The following TCF4 variants were observed in gnomAD, a reference collection of about 807,000 sequenced individuals.
TCF4 encodes transcription factor 4, also known as SL3-3 enhancer factor 2.
Under a neutral mutation model 82.1 loss-of-function variants are expected in TCF4, and 3 were observed. That is an observed-to-expected ratio of 0.04 (90% CI 0.02 to 0.09). The LOEUF (loss-of-function observed/expected upper bound fraction) is 0.09. Ranked by LOEUF, TCF4 falls within the 10% of genes least tolerant of loss-of-function variation. TCF4 has a pLI of 1.00. For synonymous variants in TCF4, 276 were observed against 309.6 expected, an observed-to-expected ratio of 0.89 and a Z score of 1.14; for missense variants, 518 against 852.7, an observed-to-expected ratio of 0.61 and a Z score of 4.89.
chr18:55,392,804 G>A (rs1251380018), intron 6 of TCF4, among the ~76,000 whole-genome samples: 2 of 151,962 alleles, frequency 1.3e-5, no homozygotes, highest in Non-Finnish European at 2.9e-5. Flanking sequence ...AGATATATAC[G>A]ATATATACAC....
chr18:55,324,468 G>C (rs1165535053), intron 8 of TCF4, among the ~76,000 whole-genome samples: 2 of 152,178 alleles, frequency 1.3e-5, no homozygotes, highest in African/African-American at 2.4e-5. Context: ...TGCGTGGGGA[G>C]TTAGAACAGA....
intron 3 of TCF4, among the ~76,000 whole-genome samples, chr18:55,465,481 A>G (rs1338274453): frequency 6.6e-6 from 1 of 152,102 alleles, no homozygotes; most frequent in Non-Finnish European, 1.5e-5. Flanking sequence ...CAGATAACAC[A>G]AACTGCAAAC....
chr18:55,321,564 G>A, intron 8 of TCF4: 4 of 1,464,288 alleles, frequency 2.7e-6, no homozygotes, highest in Non-Finnish European at 3.7e-6. Flanking sequence ...CCAGGAAGGT[G>A]CGGCAGTCCT....
intron 3 of TCF4, among the ~76,000 whole-genome samples, chr18:55,473,040 C>CA: frequency 6.6e-6 from 1 of 152,234 alleles, no homozygotes; most frequent in East Asian, 1.9e-4. Flanking sequence ...TCAAACCATA[C>CA]ATGTAATATT....
chr18:55,270,265 G>C (rs1433354268), intron 10 of TCF4, among the ~76,000 whole-genome samples: 1 of 151,904 alleles, frequency 6.6e-6, no homozygotes, highest in African/African-American at 2.4e-5. Context: ...CCAGGGTTTC[G>C]GCAACATAAA....
At chr18:55,237,492 CAG>C (rs1410586699) in intron 15 of TCF4, among the ~76,000 whole-genome samples, 1 of 122,602 alleles carries the variant, frequency 8.2e-6, no homozygotes, top group African/African-American at 3.2e-5. Context: ...TTTTTGGAGA[CAG>C]AGTCTTGCTC....
Position 55,232,663 on chromosome 18 carries a change from G to A in TCF4, c.1495C>T (p.Pro499Ser), listed in dbSNP as rs1395053525. 6.2e-7 allele frequency: 1 copy of A among 1,613,994 alleles called. No homozygotes were observed. The highest frequency in any genetic ancestry group is 8.5e-7 in the Non-Finnish European group (1 of 1,180,028). ...PPQDPYRGMPPGLQGQSVSSG... is the reference protein window; with the variant it reads ...PPQDPYRGMPSGLQGQSVSSG... Reference sequence around the variant, plus strand: ...GAGACACTCTGCCCCTGTAGTCCTGGTGGCATGCCTGCCGAAAAAGAGAAA... The same window carrying A: ...GAGACACTCTGCCCCTGTAGTCCTGATGGCATGCCTGCCGAAAAAGAGAAA... Residue 499 changes from proline to serine, a missense_variant, in exon 17 of 20, where the codon CCA becomes TCA. Pro to Ser is a moderately conservative substitution (Grantham distance 74). Around this residue, in one of 7 missense-constraint regions of TCF4, gnomAD observed 144 missense variants for 190.2 expected, o/e 0.76. Transcript: ENST00000354452.
chr18:55,271,509 C>T (rs1042399983), intron 10 of TCF4, among the ~76,000 whole-genome samples: 1 of 152,026 alleles, frequency 6.6e-6, no homozygotes, highest in Admixed American at 6.6e-5. Flanking sequence ...TTTTCAAAGA[C>T]GCATGAATGT....
chr18:55,608,348 G>A (rs142589497), intron 2 of TCF4, among the ~76,000 whole-genome samples: 12 of 147,882 alleles, frequency 8.1e-5, no homozygotes, highest in South Asian at 6.4e-4. Flanking sequence ...AAATTAGACC[G>A]ATCTAGCATC....
chr18:55,333,865 C>G (rs1200643370), intron 8 of TCF4, among the ~76,000 whole-genome samples: 3 of 152,150 alleles, frequency 2.0e-5, no homozygotes, highest in Non-Finnish European at 4.4e-5. Flanking sequence ...TTTCAATGAA[C>G]CAAGGAATGG....
chr18:55,512,222 T>C (rs2096836252), intron 3 of TCF4, among the ~76,000 whole-genome samples: 1 of 152,156 alleles, frequency 6.6e-6, no homozygotes, highest in Non-Finnish European at 1.5e-5. Flanking sequence ...TGCAGACAAG[T>C]GTTTATGTGC....
chr18:55,514,578 A>G (rs2096862309), intron 3 of TCF4, among the ~76,000 whole-genome samples: 1 of 152,186 alleles, frequency 6.6e-6, no homozygotes. Context: ...AAATTTAAAG[A>G]AATACACAGC....
Position 55,239,127 on chromosome 18 carries a change from A to G in TCF4, c.1351-4444T>C, listed in dbSNP as rs182085386. 1.7e-4 allele frequency among the ~76,000 whole-genome samples: 26 copies of G among 152,364 alleles called. 1 individual carries two copies. In the East Asian group the frequency reaches 4.8e-3, roughly 28 times the overall value. The stretch of plus-strand genomic sequence containing the variant: ...TGAATTCTCCTGTGTGAATTTGTCA[A>G]TGGAAATAATTAAATGTCATTAGAT... On this transcript the variant is annotated intron_variant, in intron 15 of 19. Transcript: ENST00000354452.
intron 15 of TCF4, among the ~76,000 whole-genome samples, chr18:55,239,150 G>A (rs914355295): frequency 1.3e-5 from 2 of 152,178 alleles, no homozygotes; most frequent in Non-Finnish European, 2.9e-5. Flanking sequence ...AATGTCATTA[G>A]ATATGCAATA....
At chr18:55,303,226 T>C (rs1394961572) in intron 8 of TCF4, among the ~76,000 whole-genome samples, 4 of 135,988 alleles carry the variant, frequency 2.9e-5, no homozygotes, top group African/African-American at 1.1e-4. Flanking sequence ...TCCCAGTACG[T>C]ACACACACAC....
At chr18:55,458,912 C>T (rs188337968) in intron 5 of TCF4, among the ~76,000 whole-genome samples, 10 of 152,204 alleles carry the variant, frequency 6.6e-5, no homozygotes, top group Admixed American at 2.6e-4. Flanking sequence ...GACACTGCGC[C>T]GTTAATGTCA....
At chr18:55,305,865 T>C (rs2070130234) in intron 8 of TCF4, among the ~76,000 whole-genome samples, 1 of 152,202 alleles carries the variant, frequency 6.6e-6, no homozygotes, top group South Asian at 2.1e-4. Flanking sequence ...TCAAAATAAA[T>C]GATGAAATCA....
intron 8 of TCF4, among the ~76,000 whole-genome samples, chr18:55,293,931 C>CATTTTTT (rs2065762196): frequency 2.5e-5 from 1 of 40,032 alleles, no homozygotes; most frequent in African/African-American, 6.7e-5. Context: ...TTTCCAAGGA[C>CATTTTTT]TTTTTTTTTT....
intron 9 of TCF4, among the ~76,000 whole-genome samples, chr18:55,276,022 G>A (rs546586264): frequency 6.6e-6 from 1 of 152,218 alleles, no homozygotes; most frequent in South Asian, 2.1e-4. Flanking sequence ...ATTATGTCAA[G>A]TCGCAAGGTA....
Sources: allele counts gnomAD v4.1 joint callset (sites outside exome capture counted in the v4.1 genomes callset), GRCh38; gene constraint gnomAD v4.1.1; regional missense constraint gnomAD v4.1.1; transcripts MANE v1.5; gene names NCBI Gene and HGNC (gene_info 2026-07-23, HGNC 2026-07-21).